NRG3: variants seen among roughly 807,000 people sequenced by gnomAD.
NRG3 encodes the protein pro-neuregulin-3, membrane-bound isoform.
In NRG3, 31 loss-of-function variants were observed where a neutral mutation model predicts 66.9. That is an observed-to-expected ratio of 0.46 (90% CI 0.35 to 0.63). The LOEUF is 0.63. Among genes scored for constraint, NRG3 ranks in the 20% least tolerant of loss-of-function variants. The pLI is 0.00. For missense variants in NRG3, 910 were observed against 878.9 expected, an observed-to-expected ratio of 1.04 and a Z score of -0.45; for synonymous variants, 393 against 359.4, an observed-to-expected ratio of 1.09 and a Z score of -1.06.
intron 1 of NRG3, among the ~76,000 whole-genome samples, chr10:82,112,775 C>T (rs1292489419): frequency 1.3e-5 from 2 of 152,116 alleles, no homozygotes; most frequent in African/African-American, 4.8e-5. Flanking sequence ...TAACCATAGT[C>T]ACCTGATTTT....
Position 82,699,261 on chromosome 10 carries a change from AAGGAAGG to A in NRG3, c.954-39314_954-39308del, listed in dbSNP as rs1230337802. ...AAAAGAAGGAAAGAGGGAAGGAAGG[AAGGAAGG>A]AAGGAAGGAAGCAAGGGAGGCAGGG... is the stretch of plus-strand genomic sequence containing the variant. On this transcript the variant is annotated intron_variant, in intron 2 of 8. Transcript: ENST00000372141. 1.5e-3 allele frequency among the ~76,000 whole-genome samples: 228 copies of A among 150,804 alleles called. 1 individual carries two copies. Among genetic ancestry groups the A allele is most frequent in the African/African-American group, 5.4e-3 (221 of 41,020 alleles).
chr10:82,082,286 C>T lies in NRG3; in HGVS notation c.823+206123C>T, dbSNP rs185286456. Reference sequence around the variant, plus strand: ...CTTTAAAAATGTTTGAGCATAGCTTCTCACTAAAATAATGAGCCCTGTGTA... The same window carrying T: ...CTTTAAAAATGTTTGAGCATAGCTTTTCACTAAAATAATGAGCCCTGTGTA... On this transcript the variant is annotated intron_variant, in intron 1 of 8. Transcript: ENST00000372141. 4.2e-3 allele frequency among the ~76,000 whole-genome samples: 635 copies of T among 152,338 alleles called. 2 individuals are homozygous for T. The highest frequency in any genetic ancestry group is 6.4e-3 in the Non-Finnish European group (436 of 68,034).
chr10:82,669,540 C>A (rs2053083094), intron 2 of NRG3, among the ~76,000 whole-genome samples: 1 of 152,096 alleles, frequency 6.6e-6, no homozygotes, highest in Non-Finnish European at 1.5e-5. Context: ...TGTGTGACTG[C>A]TGGAAGGCAC....
At chr10:82,373,345 A>AACAAACAGACCCCAGGCTTAGGGGCGG (rs2085010581) in intron 2 of NRG3, among the ~76,000 whole-genome samples, 1 of 152,244 alleles carries the variant, frequency 6.6e-6, no homozygotes, top group Non-Finnish European at 1.5e-5. Context: ...TAGACCATTA[A>AACAAACAGACCCCAGGCTTAGGGGCGG]ACAAACAGAC....
chr10:82,108,709 G>A (rs754325872), intron 1 of NRG3, among the ~76,000 whole-genome samples: 9 of 152,176 alleles, frequency 5.9e-5, no homozygotes, highest in Non-Finnish European at 1.0e-4. Context: ...AGTAGTATTA[G>A]CAGCAAGAAT....
chr10:82,456,880 G>A (rs1426161125), intron 2 of NRG3, among the ~76,000 whole-genome samples: 1 of 152,112 alleles, frequency 6.6e-6, no homozygotes, highest in East Asian at 1.9e-4. Context: ...TTTCTCTAGA[G>A]TTTTGGTCCA....
intron 2 of NRG3, among the ~76,000 whole-genome samples, chr10:82,619,096 A>C (rs1490959908): frequency 6.6e-6 from 1 of 152,182 alleles, no homozygotes; most frequent in Non-Finnish European, 1.5e-5. Context: ...GTTGGGCCAA[A>C]GTATTACTGC....
chr10:82,560,298 A>G (rs1261434266), intron 2 of NRG3, among the ~76,000 whole-genome samples: 4 of 151,514 alleles, frequency 2.6e-5, no homozygotes, highest in Non-Finnish European at 5.9e-5. Flanking sequence ...CATTTTTATT[A>G]TTTTTTATTG....
At position 82,986,464 on chromosome 10, in the gene NRG3, A is replaced by C. The variant is rs1466448175; in HGVS notation, c.*859A>C. 6.6e-6 allele frequency: 1 copy of C among 152,192 alleles called. No individual in the cohort carries two copies. Among genetic ancestry groups the C allele is most frequent in the Non-Finnish European group, 1.5e-5 (1 of 68,044 alleles). 9.4% of individuals were successfully genotyped at this position (152,192 alleles called of 1,614,324 possible). ...GTGTTCATTGTGCGTATGTGTGTGC[A>C]TGTGTGCGCGTATTACGCTTGCTAA... On this transcript the variant is annotated 3_prime_UTR_variant, in exon 9 of 9. Transcript: ENST00000372141.
At chr10:82,724,384 A>G (rs1383094803) in intron 2 of NRG3, among the ~76,000 whole-genome samples, 1 of 152,212 alleles carries the variant, frequency 6.6e-6, no homozygotes, top group Non-Finnish European at 1.5e-5. Context: ...TAAATCATTT[A>G]TCACACAAGG....
chr10:82,541,101 C>T (rs1056189885), intron 2 of NRG3, among the ~76,000 whole-genome samples: 1 of 152,096 alleles, frequency 6.6e-6, no homozygotes, highest in Non-Finnish European at 1.5e-5. Flanking sequence ...AGACTTCCAG[C>T]CTTCAGATCC....
At chr10:82,631,982 A>G (rs971158598) in intron 2 of NRG3, among the ~76,000 whole-genome samples, 6 of 151,938 alleles carry the variant, frequency 3.9e-5, no homozygotes, top group Admixed American at 3.3e-4. Context: ...GGTGCCTGTA[A>G]TCTCAGCTAC....
At chr10:82,124,265 A>C (rs75834538) in intron 1 of NRG3, among the ~76,000 whole-genome samples, 1 of 152,036 alleles carries the variant, frequency 6.6e-6, no homozygotes, top group East Asian at 1.9e-4. Context: ...TTTGGCAGGT[A>C]ACTTGAACTC....
chr10:82,606,330 C>T (rs758924717), intron 2 of NRG3, among the ~76,000 whole-genome samples: 1 of 152,036 alleles, frequency 6.6e-6, no homozygotes, highest in Non-Finnish European at 1.5e-5. Context: ...TTTGGGTTTT[C>T]CAGTTATCTT....
At chr10:82,042,521 G>GT (rs1564762783) in intron 1 of NRG3, among the ~76,000 whole-genome samples, 1 of 151,950 alleles carries the variant, frequency 6.6e-6, no homozygotes, top group African/African-American at 2.4e-5. Flanking sequence ...TGGTGCTACT[G>GT]TATTTTTCCC....
chr10:81,997,267 C>A (rs75355847), intron 1 of NRG3, among the ~76,000 whole-genome samples: 238 of 152,298 alleles, frequency 1.6e-3, no homozygotes, highest in African/African-American at 4.8e-3. Context: ...GTGCTTTGGC[C>A]TCCAGCTAAG....
chr10:82,684,765 C>A (rs1432139031), intron 2 of NRG3, among the ~76,000 whole-genome samples: 2 of 151,840 alleles, frequency 1.3e-5, no homozygotes, highest in Non-Finnish European at 2.9e-5. Context: ...GAGAGAGGAT[C>A]AAAGCTGTGT....
intron 1 of NRG3, among the ~76,000 whole-genome samples, chr10:81,900,058 C>T (rs546430325): frequency 1.3e-5 from 2 of 151,952 alleles, no homozygotes; most frequent in South Asian, 2.1e-4. Context: ...AATGATTCTC[C>T]GCCTCAGCCT....
intron 2 of NRG3, among the ~76,000 whole-genome samples, chr10:82,651,531 G>T (rs1216915751): frequency 1.3e-5 from 2 of 152,204 alleles, no homozygotes; most frequent in Admixed American, 6.5e-5. Flanking sequence ...CTGTCCTGTG[G>T]AGAAGCCTAC....
Sources: allele counts gnomAD v4.1 joint callset (sites outside exome capture counted in the v4.1 genomes callset), GRCh38; gene constraint gnomAD v4.1.1; transcripts MANE v1.5; gene names NCBI Gene and HGNC (gene_info 2026-07-23, HGNC 2026-07-21).